MGAT4B: variants seen among roughly 807,000 people sequenced by gnomAD.
The protein encoded by MGAT4B is N-acetylglucosaminyltransferase IVb.
A neutral mutation model predicts 73.9 loss-of-function variants in MGAT4B; 38 were observed. The observed-to-expected ratio is 0.51, with a 90% CI of 0.40 to 0.67. The LOEUF is 0.67. Ranked by LOEUF, MGAT4B falls within the 30% of genes least tolerant of loss-of-function variation. The pLI is 0.00. For missense variants in MGAT4B, 686 were observed against 735.2 expected (o/e 0.93, Z 0.77); for synonymous variants, 373 against 313.5 (o/e 1.19, Z -2.01).
rs758335140 is a variant in MGAT4B, at chr5:179,801,860, G to A, written c.207C>T (p.Asp69=). ...TTTCTGACACGGCCCTCTTGATCTC[G>A]TCCAGCACCAGGTTGAGCTCCTTGG... The part of the protein sequence containing the change: ...KRSKELNLVL[D]EIKRAVSERQ... Residue 69 remains aspartate, a synonymous_variant, in exon 2 of 15, where the codon GAC becomes GAT. Transcript: ENST00000292591. The surrounding 1 kb of genome is among the most constrained non-coding windows in gnomAD (Gnocchi z 4.8). The A allele has an allele frequency of 6.2e-6, 10 of 1,611,602 alleles. No homozygotes were observed. Among genetic ancestry groups the A allele is most frequent in the East Asian group, 4.5e-5 (2 of 44,784 alleles).
At chr5:179,804,098 T>A (rs1030780860) in intron 1 of MGAT4B, among the ~76,000 whole-genome samples, 3 of 152,148 alleles carry the variant, frequency 2.0e-5, no homozygotes, top group African/African-American at 7.2e-5. Flanking sequence ...TGTGTCACCC[T>A]CCCCTGGAGG....
At position 179,801,964 on chromosome 5, in the gene MGAT4B, C is replaced by T. The variant is rs780560812; in HGVS notation, c.103G>A (p.Val35Ile). 9.9e-6 allele frequency: 16 copies of T among 1,613,284 alleles called. No individual in the cohort carries two copies. The highest frequency in any genetic ancestry group is 2.7e-5 in the African/African-American group (2 of 74,930). The change falls in exon 2 of 15, where the codon GTT (valine) becomes ATT (isoleucine). Residue 35 changes from valine (V) to isoleucine (I), a missense_variant. By Grantham distance (29) the Val-to-Ile change is conservative. Around this residue, in one of 2 missense-constraint regions of MGAT4B, gnomAD observed 237 missense variants for 198.5 expected, o/e 1.19. Coordinates refer to ENST00000292591, the MANE Select transcript of MGAT4B (RefSeq NM_014275.5). This position sits in a 1 kb window ranked among gnomAD's most constrained non-coding sequence, Gnocchi z 4.8. Reference protein sequence around the residue: ...YAALSGQKGDVVDVYQREFLA... With the variant: ...YAALSGQKGDIVDVYQREFLA... Reference sequence around the variant, plus strand: ...AACTCCCGCTGGTAAACGTCCACAACGTCGCCTGCAGGTGGTAGGCAAGCC... The same window carrying T: ...AACTCCCGCTGGTAAACGTCCACAATGTCGCCTGCAGGTGGTAGGCAAGCC...
chr5:179,797,968 C>A lies in MGAT4B; in HGVS notation c.*77G>T, dbSNP rs1756721105. Reference sequence around the variant, plus strand: ...TTTGGGCGGGGCCGTATCTGGCCCTCCGGGGACGGCAGTGACGACACCCCC... The same window carrying A: ...TTTGGGCGGGGCCGTATCTGGCCCTACGGGGACGGCAGTGACGACACCCCC... On this transcript the variant is annotated 3_prime_UTR_variant, in exon 15 of 15. Coordinates refer to ENST00000292591, the MANE Select transcript of MGAT4B (RefSeq NM_014275.5). The A allele has an allele frequency of 1.3e-6, 2 of 1,541,404 alleles. No homozygotes were observed. Among genetic ancestry groups the A allele is most frequent in the South Asian group, 2.4e-5 (2 of 84,682 alleles).
At position 179,801,891 on chromosome 5, in the gene MGAT4B, T is replaced by A. The variant is rs78450232; in HGVS notation, c.176A>T (p.Lys59Met). The A allele has an allele frequency of 1.2e-6, 2 of 1,613,168 alleles. No homozygotes were observed. Among genetic ancestry groups the A allele is most frequent in the East Asian group, 2.2e-5 (1 of 44,860 alleles). The change falls in exon 2 of 15, where the codon AAG (lysine) becomes ATG (methionine). Residue 59 changes from lysine to methionine, a missense_variant. Lys to Met is a moderately conservative substitution (Grantham distance 95). Transcript: ENST00000292591. This position sits in a 1 kb window ranked among gnomAD's most constrained non-coding sequence, Gnocchi z 4.8. ...RLHAAEQESL[K>M]RSKELNLVLD... Reference sequence around the variant, plus strand: ...CACCAGGTTGAGCTCCTTGGAGCGCTTGAGGCTCTCCTGCTCAGCTGCGTG... The same window carrying A: ...CACCAGGTTGAGCTCCTTGGAGCGCATGAGGCTCTCCTGCTCAGCTGCGTG...
chr5:179,801,750 C>T lies in MGAT4B; in HGVS notation c.283+34G>A. ...ACCAGGGAACCTACAACCAGCCCGC[C>T]CCCGCCTTTTCCCCCTCCCGCCCCA... On this transcript the variant is annotated intron_variant, in intron 2 of 14. Transcript: ENST00000292591. This position sits in a 1 kb window ranked among gnomAD's most constrained non-coding sequence, Gnocchi z 4.8. 1 of 1,571,682 alleles carries T rather than the reference C, an allele frequency of 6.4e-7. No individual in the cohort carries two copies. Among genetic ancestry groups the T allele is most frequent in the Non-Finnish European group, 8.6e-7 (1 of 1,157,128 alleles).
At chr5:179,805,553 AGAGCTCGGCGTGGGTAGATG>A (rs1391711142) in intron 1 of MGAT4B, among the ~76,000 whole-genome samples, 2 of 152,246 alleles carry the variant, frequency 1.3e-5, no homozygotes, top group Admixed American at 1.3e-4. Context: ...GCGTGCTGGC[AGAGCTCGGCGTGGGTAGATG>A]GAGCTCGGAG....
intron 6 of MGAT4B, 89 bp from the exon 7 acceptor site, chr5:179,800,348 C>T: frequency 6.6e-7 from 1 of 1,510,078 alleles, no homozygotes; most frequent in Non-Finnish European, 9.2e-7. Flanking sequence ...CAGCTTCTGT[C>T]CCCCCACCCC....
At chr5:179,798,136 G>A (rs371210487) in intron 14 of MGAT4B, 29 bp downstream of exon 14, 11 of 1,591,828 alleles carry the variant, frequency 6.9e-6, no homozygotes, top group African/African-American at 4.0e-5. Context: ...GCTGCTCCCC[G>A]TGCCTGGCCT....
At position 179,797,702 on chromosome 5, in the gene MGAT4B, G is replaced by A; in HGVS notation, c.*343C>T. The A allele has an allele frequency of 4.0e-6, 1 of 249,616 alleles. No homozygotes were observed. The highest frequency in any genetic ancestry group is 7.6e-6 in the Non-Finnish European group (1 of 131,478). 15.5% of individuals were successfully genotyped at this position (249,616 alleles called of 1,614,324 possible). ...AATGTATCCAAGAATAAAAAACACA[G>A]CACATAAAGTAGTATATGCATTCCA... is the stretch of plus-strand genomic sequence containing the variant. On this transcript the variant is annotated 3_prime_UTR_variant, in exon 15 of 15. Transcript: ENST00000292591.
chr5:179,798,829 C>T (rs765751203), intron 11 of MGAT4B, 99 bp downstream of exon 11: 33 of 1,420,278 alleles, frequency 2.3e-5, no homozygotes, highest in African/African-American at 2.3e-4. Flanking sequence ...ACTTCAGATG[C>T]GGAAACTGAA....
At chr5:179,800,987 G>A in intron 4 of MGAT4B, 34 bp from the exon 5 acceptor site, 1 of 1,612,234 alleles carries the variant, frequency 6.2e-7, no homozygotes, top group South Asian at 1.1e-5. Context: ...CCTTAGCCCT[G>A]CTGCTGCCCC....
At chr5:179,803,399 TC>T in intron 1 of MGAT4B, 2 of 401,484 alleles carry the variant, frequency 5.0e-6, no homozygotes, top group Non-Finnish European at 6.7e-6. Context: ...GAGCTGGCTA[TC>T]CCCAGGGCTC....
chr5:179,806,546 A>G lies in MGAT4B; in HGVS notation c.38T>C (p.Leu13Pro). Residue 13 changes from leucine (L) to proline (P), a missense_variant, in exon 1 of 15, where the codon CTC becomes CCC. Physicochemically the swap from Leu to Pro is moderately conservative, Grantham distance 98 (BLOSUM62 -3). Coordinates refer to ENST00000292591, the MANE Select transcript of MGAT4B (RefSeq NM_014275.5). The surrounding 1 kb of genome is among the most constrained non-coding windows in gnomAD (Gnocchi z 4.6). ...LRNGTFLTLLLFCLCAFLSLS... is the reference protein window; with the variant it reads ...LRNGTFLTLLPFCLCAFLSLS... ...CGAGAGGAAGGCGCACAGGCAGAAG[A>G]GCAGCAGCGTCAGGAAGGTGCCATT... is the stretch of plus-strand genomic sequence containing the variant. 3 of 1,328,532 alleles carry G rather than the reference A, an allele frequency of 2.3e-6. No homozygotes were observed. Among genetic ancestry groups the G allele is most frequent in the Non-Finnish European group, 3.0e-6 (3 of 1,013,470 alleles). 82.3% of individuals were successfully genotyped at this position (1,328,532 alleles called of 1,614,324 possible).
Position 179,801,504 on chromosome 5 carries a change from G to A in MGAT4B, c.425-37C>T, listed in dbSNP as rs760966837. 12 of 1,602,942 alleles carry A rather than the reference G, an allele frequency of 7.5e-6. No individual in the cohort carries two copies. In the East Asian group the frequency reaches 2.2e-4, roughly 30 times the overall value. ...GGAGGCCCGACGCTGGAAAGGGTGC[G>A]GGGGCCACCCGTCCCCCCACCCCGT... On this transcript the variant is annotated intron_variant, in intron 3 of 14. Coordinates refer to ENST00000292591, the MANE Select transcript of MGAT4B (RefSeq NM_014275.5). The surrounding 1 kb of genome is among the most constrained non-coding windows in gnomAD (Gnocchi z 4.8).
intron 7 of MGAT4B, 41 bp downstream of exon 7, chr5:179,800,143 G>GGCGCAGGGCAGGGCA: frequency 6.2e-7 from 1 of 1,610,610 alleles, no homozygotes. Context: ...AGGGCAGGGC[G>GGCGCAGGGCAGGGCA]GCGCAGGGCA....
chr5:179,802,358 C>T (rs1756983939), intron 1 of MGAT4B: 6 of 1,300,476 alleles, frequency 4.6e-6, no homozygotes, highest in Non-Finnish European at 5.9e-6. Context: ...GCACACGCTC[C>T]CTCCAGCGGG....
chr5:179,797,909 C>T lies in MGAT4B; in HGVS notation c.*136G>A. The T allele has an allele frequency of 7.7e-7, 1 of 1,296,738 alleles. No individual in the cohort carries two copies. Among genetic ancestry groups the T allele is most frequent in the South Asian group, 1.3e-5 (1 of 74,686 alleles). 80.3% of individuals were successfully genotyped at this position (1,296,738 alleles called of 1,614,324 possible). On this transcript the variant is annotated 3_prime_UTR_variant, in exon 15 of 15. Coordinates refer to ENST00000292591, the MANE Select transcript of MGAT4B (RefSeq NM_014275.5). ...GGGCCTCCGGGCCAGCGGCGGACCC[C>T]AGGCCGGCCCAAGCCCGACGCCAGG...
At chr5:179,800,828 G>A (rs939587480) in intron 5 of MGAT4B, 79 bp downstream of exon 5, 22 of 1,489,944 alleles carry the variant, frequency 1.5e-5, no homozygotes, top group Non-Finnish European at 1.9e-5. Flanking sequence ...ACTATCTCAT[G>A]GGGAGGCAGG....
At chr5:179,802,259 G>A in intron 1 of MGAT4B, 1 of 1,419,766 alleles carries the variant, frequency 7.0e-7, no homozygotes, top group Non-Finnish European at 9.2e-7. Context: ...TCCAGACCTA[G>A]GTAGGTGGAT....
Sources: allele counts gnomAD v4.1 joint callset (sites outside exome capture counted in the v4.1 genomes callset), GRCh38; gene constraint gnomAD v4.1.1; regional missense constraint gnomAD v4.1.1; non-coding constraint Gnocchi (gnomAD v3.1); transcripts MANE v1.5; gene names NCBI Gene and HGNC (gene_info 2026-07-23, HGNC 2026-07-21).